GCNT2: variants seen among roughly 807,000 people sequenced by gnomAD.
The protein encoded by GCNT2 is glucosaminyl (N-acetyl) transferase 2 (I blood group).
In GCNT2, 34 loss-of-function variants were observed where a neutral mutation model predicts 34.2. The observed-to-expected ratio is 1.00, with a 90% CI of 0.76 to 1.32. The LOEUF is 1.32. Among genes scored for constraint, GCNT2 ranks in the 40% most tolerant of loss-of-function variants. The pLI, the probability that GCNT2 is intolerant of heterozygous loss-of-function variation, is 0.00. For missense variants in GCNT2, 584 were observed against 489.4 expected, an observed-to-expected ratio of 1.19 and a Z score of -1.82; for synonymous variants, 212 against 188.0, an observed-to-expected ratio of 1.13 and a Z score of -1.04.
intron 3 of GCNT2, among the ~76,000 whole-genome samples, chr6:10,563,798 A>G (rs1444661307): frequency 2.9e-5 from 4 of 138,752 alleles, no homozygotes; most frequent in African/African-American, 1.1e-4. Flanking sequence ...ATATATATAT[A>G]TATATATATA....
In GCNT2 at chr6:10,621,681, C is replaced by T. The variant is rs7745208; in HGVS notation, c.1018+238C>T. The T allele has an allele frequency of 2.0e-3, 936 of 478,026 alleles. 16 individuals are homozygous for T. The highest frequency in any genetic ancestry group is 0.014 in the South Asian group (669 of 48,792). 29.6% of individuals were successfully genotyped at this position (478,026 alleles called of 1,614,324 possible). On this transcript the variant is annotated intron_variant, in intron 4 of 4. Coordinates refer to ENST00000495262, the MANE Select transcript of GCNT2 (RefSeq NM_145649.5). ...ATGGAAAAATGGGTTCAAATCAGGG[C>T]GGCATGTTTTTCTTCCTGCTAGTTT...
intron 3 of GCNT2, among the ~76,000 whole-genome samples, chr6:10,582,235 A>T (rs1346321890): frequency 8.1e-6 from 1 of 122,918 alleles, no homozygotes; most frequent in Non-Finnish European, 1.6e-5. Flanking sequence ...TATATATTTA[A>T]ATATATAAAA....
In GCNT2 at chr6:10,545,186, G is replaced by C. The variant is rs973632125; in HGVS notation, c.925+15350G>C. Among the ~76,000 whole-genome samples the C allele has an allele frequency of 2.6e-5, 4 of 151,390 alleles. 1 individual carries two copies. Among genetic ancestry groups the C allele is most frequent in the Non-Finnish European group, 4.4e-5 (3 of 67,960 alleles). On this transcript the variant is annotated intron_variant, in intron 3 of 4. Coordinates refer to ENST00000495262, the MANE Select transcript of GCNT2 (RefSeq NM_145649.5). ...TCTAGTCTATATCCTTTTCCTCCCA[G>C]CTCTTGCACGGTGAGCTGAAGGGTT...
At chr6:10,548,009 C>A (rs1762340508) in intron 3 of GCNT2, among the ~76,000 whole-genome samples, 1 of 152,150 alleles carries the variant, frequency 6.6e-6, no homozygotes, top group African/African-American at 2.4e-5. Flanking sequence ...AGGAGATGTT[C>A]CAAGCTAATC....
At chr6:10,606,153 A>T (rs1765302267) in intron 3 of GCNT2, among the ~76,000 whole-genome samples, 1 of 152,236 alleles carries the variant, frequency 6.6e-6, no homozygotes, top group Admixed American at 6.5e-5. Context: ...TGTCTCTACT[A>T]AAAATACAAA....
At chr6:10,623,617 A>T (rs1303410826) in intron 4 of GCNT2, among the ~76,000 whole-genome samples, 1 of 152,104 alleles carries the variant, frequency 6.6e-6, no homozygotes, top group Non-Finnish European at 1.5e-5. Flanking sequence ...CCCTCTTAGC[A>T]CTTAGAATGA....
intron 3 of GCNT2, among the ~76,000 whole-genome samples, chr6:10,594,249 G>T (rs957128738): frequency 1.3e-5 from 2 of 152,134 alleles, no homozygotes; most frequent in African/African-American, 4.8e-5. Context: ...CTGCTGACAC[G>T]GACCATCTTT....
At chr6:10,575,170 TA>T in intron 3 of GCNT2, 1 of 421,748 alleles carries the variant, frequency 2.4e-6, no homozygotes, top group South Asian at 2.3e-5. Flanking sequence ...CCATGTTTTC[TA>T]AAAGGCTTAG....
chr6:10,546,590 C>T (rs1313635345), intron 3 of GCNT2, among the ~76,000 whole-genome samples: 1 of 152,076 alleles, frequency 6.6e-6, no homozygotes, highest in African/African-American at 2.4e-5. Flanking sequence ...ACCCAGGGGG[C>T]GGAGGTTGCA....
chr6:10,574,797 A>G, intron 3 of GCNT2: 1 of 614,196 alleles, frequency 1.6e-6, no homozygotes, highest in African/African-American at 1.8e-5. Flanking sequence ...CCTCCTTCCC[A>G]CTGGCTCTCA....
intron 3 of GCNT2, among the ~76,000 whole-genome samples, chr6:10,574,154 G>A (rs1046804243): frequency 6.6e-6 from 1 of 152,208 alleles, no homozygotes; most frequent in African/African-American, 2.4e-5. Context: ...GGAAACGGGG[G>A]CACGCAGAGG....
rs762492715 is a variant in GCNT2 at position 10,529,012 on chromosome 6, T to C, written c.101T>C (p.Phe34Ser). The C allele has an allele frequency of 3.1e-6, 5 of 1,614,104 alleles. No homozygotes were observed. Among genetic ancestry groups the C allele is most frequent in the Non-Finnish European group, 4.2e-6 (5 of 1,179,922 alleles). The change falls in exon 3 of 5, where the codon TTT (phenylalanine) becomes TCT (serine). Residue 34 changes from phenylalanine to serine, a missense_variant. Coordinates refer to ENST00000495262, the MANE Select transcript of GCNT2 (RefSeq NM_145649.5). ...YNTELWENKR[F>S]LRAALSNASL... The stretch of plus-strand genomic sequence containing the variant: ...ACTGAGTTATGGGAGAATAAACGTT[T>C]TCTGAGGGCAGCTCTGTCCAATGCT...
chr6:10,542,415 T>TA (rs113166772), intron 3 of GCNT2, among the ~76,000 whole-genome samples: 31,908 of 151,972 alleles, frequency 0.21, 5,055 homozygotes, highest in African/African-American at 0.45. Context: ...TCACCCACTT[T>TA]TGTGTACAAT....
chr6:10,542,468 C>T (rs978004347), intron 3 of GCNT2, among the ~76,000 whole-genome samples: 6 of 152,156 alleles, frequency 3.9e-5, no homozygotes, highest in Non-Finnish European at 7.3e-5. Context: ...ACCATGATCC[C>T]CGGCTAATGT....
chr6:10,593,837 C>G (rs1054339483), intron 3 of GCNT2, among the ~76,000 whole-genome samples: 3 of 152,142 alleles, frequency 2.0e-5, no homozygotes, highest in African/African-American at 7.2e-5. Flanking sequence ...AATACAAAAG[C>G]ATCTCCTTCC....
intron 3 of GCNT2, among the ~76,000 whole-genome samples, chr6:10,562,975 A>G (rs1763073990): frequency 6.6e-6 from 1 of 152,180 alleles, no homozygotes; most frequent in Non-Finnish European, 1.5e-5. Context: ...CCTGGCTAAC[A>G]TGGTGAAACC....
chr6:10,524,229 C>T (rs1360702689), intron 1 of GCNT2, among the ~76,000 whole-genome samples: 1 of 150,872 alleles, frequency 6.6e-6, no homozygotes, highest in Non-Finnish European at 1.5e-5. Context: ...TCCACGGAAA[C>T]TTTCTGACAC....
chr6:10,526,217 G>A (rs1761177073), intron 1 of GCNT2, among the ~76,000 whole-genome samples: 1 of 152,182 alleles, frequency 6.6e-6, no homozygotes, highest in Non-Finnish European at 1.5e-5. Context: ...AGATATTTGG[G>A]TTGATTAAAT....
At chr6:10,617,296 GC>G (rs1765818496) in intron 3 of GCNT2, among the ~76,000 whole-genome samples, 1 of 152,214 alleles carries the variant, frequency 6.6e-6, no homozygotes, top group African/African-American at 2.4e-5. Flanking sequence ...GGCGGGGCCG[GC>G]CGGCTTCTCC....
Sources: allele counts gnomAD v4.1 joint callset (sites outside exome capture counted in the v4.1 genomes callset), GRCh38; gene constraint gnomAD v4.1.1; transcripts MANE v1.5; gene names NCBI Gene and HGNC (gene_info 2026-07-23, HGNC 2026-07-21).